Variants in SP100 observed in about 807,000 individuals in gnomAD.
The protein encoded by SP100 is nuclear autoantigen Sp-100.
A neutral mutation model predicts 130.0 loss-of-function variants in SP100; 84 were observed. The ratio of observed to expected loss-of-function variants is 0.65; its 90% CI spans 0.54 to 0.77. SP100 has a LOEUF of 0.77. Among genes scored for constraint, SP100 ranks in the 30% least tolerant of loss-of-function variants. The pLI is 0.00. For synonymous variants in SP100, 331 were observed against 351.7 expected (o/e 0.94, Z 0.66); for missense variants, 978 against 1,052.2 (o/e 0.93, Z 0.97).
intron 24 of SP100, among the ~76,000 whole-genome samples, chr2:230,528,814 A>G (rs1390916847): frequency 1.3e-5 from 2 of 152,242 alleles, no homozygotes; most frequent in Non-Finnish European, 2.9e-5. Flanking sequence ...ATGCAAATAA[A>G]CTAGAATATC....
intron 17 of SP100, among the ~76,000 whole-genome samples, chr2:230,475,231 T>C (rs546628526): frequency 1.3e-5 from 2 of 152,184 alleles, no homozygotes; most frequent in Non-Finnish European, 2.9e-5. Context: ...TAATAGCCAC[T>C]CTGAGTAGTG....
At chr2:230,491,672 T>C (rs1282143118) in intron 17 of SP100, among the ~76,000 whole-genome samples, 1 of 152,198 alleles carries the variant, frequency 6.6e-6, no homozygotes, top group Admixed American at 6.6e-5. Context: ...CTGACTATCA[T>C]GAGACCAGCA....
chr2:230,478,337 C>T (rs925025420), intron 17 of SP100, among the ~76,000 whole-genome samples: 2 of 152,104 alleles, frequency 1.3e-5, no homozygotes, highest in Admixed American at 6.6e-5. Context: ...ATAAAACCAT[C>T]GATCAGAATT....
chr2:230,462,492 T>G lies in SP100; in HGVS notation c.1031T>G (p.Phe344Cys). The G allele has an allele frequency of 1.2e-6, 2 of 1,613,802 alleles. No individual in the cohort carries two copies. Among genetic ancestry groups the G allele is most frequent in the Non-Finnish European group, 1.7e-6 (2 of 1,179,760 alleles). Residue 344 changes from phenylalanine to cysteine, a missense_variant, in exon 10 of 29, where the codon TTC (phenylalanine) becomes TGC (cysteine). Phe to Cys is a radical substitution (Grantham distance 205). Coordinates refer to ENST00000340126, the MANE Select transcript of SP100 (RefSeq NM_001080391.2). The part of the protein sequence containing the change: ...STDVDEPLEV[F>C]ISAPRSEPVI... ...GACGTTGATGAGCCCTTAGAAGTCT[T>G]CATCTCAGCACCGAGAAGTGAGCCT...
intron 8 of SP100, among the ~76,000 whole-genome samples, chr2:230,456,322 T>C (rs1277245750): frequency 6.6e-6 from 1 of 152,234 alleles, no homozygotes; most frequent in Non-Finnish European, 1.5e-5. Flanking sequence ...TTCTTTTCTT[T>C]TGTTGCTTTC....
At chr2:230,497,561 GGAAAGGA>G (rs2066760243) in intron 18 of SP100, among the ~76,000 whole-genome samples, 1 of 77,300 alleles carries the variant, frequency 1.3e-5, no homozygotes, top group Non-Finnish European at 3.1e-5. Context: ...GGAAAGGAAA[GGAAAGGA>G]AAGGAAAGGA....
chr2:230,439,991 A>G (rs570241523), intron 2 of SP100, among the ~76,000 whole-genome samples: 2 of 152,242 alleles, frequency 1.3e-5, no homozygotes, highest in Non-Finnish European at 2.9e-5. Context: ...TTATTTTCAA[A>G]TCTTTTCGAA....
intron 2 of SP100, among the ~76,000 whole-genome samples, chr2:230,434,387 A>G (rs538837969): frequency 1.0e-3 from 158 of 152,312 alleles, no homozygotes; most frequent in African/African-American, 3.5e-3. Flanking sequence ...CTTCAACAAA[A>G]ATTTTGCATT....
chr2:230,460,348 T>G (rs1331499897), intron 8 of SP100, among the ~76,000 whole-genome samples: 1 of 152,172 alleles, frequency 6.6e-6, no homozygotes, highest in East Asian at 1.9e-4. Flanking sequence ...GCATGTTGAG[T>G]AAAATATCCA....
At chr2:230,490,826 T>A (rs1029451870) in intron 17 of SP100, among the ~76,000 whole-genome samples, 1 of 152,222 alleles carries the variant, frequency 6.6e-6, no homozygotes, top group African/African-American at 2.4e-5. Flanking sequence ...CAATCTCTTC[T>A]GGCTTGTAGA....
At chr2:230,439,957 G>A (rs1400520402) in intron 2 of SP100, among the ~76,000 whole-genome samples, 1 of 151,890 alleles carries the variant, frequency 6.6e-6, no homozygotes, top group Non-Finnish European at 1.5e-5. Context: ...GGTTTTATAA[G>A]GTCTGATTTC....
At chr2:230,424,594 A>C (rs1430200400) in intron 2 of SP100, among the ~76,000 whole-genome samples, 2 of 150,984 alleles carry the variant, frequency 1.3e-5, no homozygotes, top group African/African-American at 2.4e-5. Context: ...GCTTGAAAAC[A>C]GGAGATGAAG....
At chr2:230,432,377 A>G (rs2063125622) in intron 2 of SP100, among the ~76,000 whole-genome samples, 1 of 152,132 alleles carries the variant, frequency 6.6e-6, no homozygotes, top group South Asian at 2.1e-4. Context: ...GTGGATATAC[A>G]TGTTCGTTTC....
intron 17 of SP100, among the ~76,000 whole-genome samples, chr2:230,479,427 C>T (rs1404863522): frequency 6.6e-6 from 1 of 151,962 alleles, no homozygotes. Flanking sequence ...TTCTTTATAC[C>T]ACTTCCATTT....
intron 3 of SP100, 146 bp downstream of exon 3, chr2:230,443,245 T>C (rs944165961): frequency 1.4e-6 from 1 of 717,886 alleles, no homozygotes. Context: ...TTTCTGTAAG[T>C]GCTCCTGTAA....
chr2:230,458,678 A>G (rs1365610057), intron 8 of SP100, among the ~76,000 whole-genome samples: 2 of 152,200 alleles, frequency 1.3e-5, no homozygotes, highest in African/African-American at 4.8e-5. Flanking sequence ...GCCCAGGTGA[A>G]AGACCTTCAG....
At chr2:230,527,836 G>A (rs1691502426) in intron 24 of SP100, among the ~76,000 whole-genome samples, 1 of 152,138 alleles carries the variant, frequency 6.6e-6, no homozygotes, top group Non-Finnish European at 1.5e-5. Context: ...GACAAAGAAG[G>A]CCATTATATA....
intron 24 of SP100, chr2:230,539,009 C>A: frequency 3.3e-6 from 1 of 302,562 alleles, no homozygotes; most frequent in Non-Finnish European, 6.4e-6. Flanking sequence ...CAAAAAATCT[C>A]TAATTCATCC....
rs2150115988 is a variant in SP100 at position 230,539,267 on chromosome 2, C to A, written c.2095C>A (p.Pro699Thr). 2 of 1,610,102 alleles carry A rather than the reference C, an allele frequency of 1.2e-6. No homozygotes were observed. The highest frequency in any genetic ancestry group is 1.7e-6 in the Non-Finnish European group (2 of 1,176,394). Residue 699 changes from proline to threonine, a missense_variant and splice_region_variant, in exon 25 of 29, where the codon CCG (proline) becomes ACG (threonine). Physicochemically the swap from Pro to Thr is conservative, Grantham distance 38. Transcript: ENST00000340126. The stretch of plus-strand genomic sequence containing the variant: ...GTGATGTCTACATCTCCCCTTCTAG[C>A]CGGAAAACTCAAATATATGTGAGGT... ...SHNNTLVDPC[P>T]ENSNICEVCN...
Sources: allele counts gnomAD v4.1 joint callset (sites outside exome capture counted in the v4.1 genomes callset), GRCh38; gene constraint gnomAD v4.1.1; transcripts MANE v1.5; gene names NCBI Gene and HGNC (gene_info 2026-07-23, HGNC 2026-07-21).